The following SLC2A2 variants were observed in gnomAD, a reference collection of about 807,000 sequenced individuals.
SLC2A2 encodes solute carrier family 2 member 2.
A neutral mutation model predicts 54.5 loss-of-function variants in SLC2A2; 36 were observed. That is an observed-to-expected ratio of 0.66 (90% CI 0.51 to 0.87). The LOEUF (loss-of-function observed/expected upper bound fraction) is 0.87, where lower values mean the gene tolerates loss of function less well. SLC2A2 is among the 40% of genes least tolerant of loss of function. The pLI, the probability that SLC2A2 is intolerant of heterozygous loss-of-function variation, is 0.00. For missense variants in SLC2A2, 543 were observed against 624.3 expected (o/e 0.87, Z 1.39); for synonymous variants, 223 against 219.1 (o/e 1.02, Z -0.16).
rs916695388 is a variant in SLC2A2 at position 170,997,866 on chromosome 3, ATTG to A, written c.*34_*36del. On this transcript the variant is annotated 3_prime_UTR_variant, in exon 11 of 11. Coordinates refer to ENST00000314251, the MANE Select transcript of SLC2A2 (RefSeq NM_000340.2). ...TCATTTAAAAACAGACGGTTCCCTT[ATTG>A]TTTCTGTTCATGTCAAAAAGCAGGG... is the stretch of plus-strand genomic sequence containing the variant. 3 of 1,522,354 alleles carry A rather than the reference ATTG, an allele frequency of 2.0e-6. No homozygotes were observed. The highest frequency in any genetic ancestry group is 2.7e-6 in the Non-Finnish European group (3 of 1,100,964). 94.3% of individuals were successfully genotyped at this position (1,522,354 alleles called of 1,614,324 possible).
In SLC2A2 at chr3:170,998,318, G is replaced by A; in HGVS notation, c.1249C>T (p.Pro417Ser). Residue 417 changes from proline (P) to serine (S), a missense_variant, in exon 10 of 11, where the codon CCG becomes TCG. This residue lies in a region of SLC2A2 where 117 missense variants were observed against 179.2 expected (regional missense o/e 0.65). Transcript: ENST00000314251. ...FVSFFEIGPG[P>S]IPWFMVAEFF... The stretch of plus-strand genomic sequence containing the variant: ...TCAGCCACCATGAACCAGGGGATCG[G>A]GCCTGGCCCAATTTCAAAGAAGCTG... 1 of 1,613,724 alleles carries A rather than the reference G, an allele frequency of 6.2e-7. No homozygotes were observed. The highest frequency in any genetic ancestry group is 1.1e-5 in the South Asian group (1 of 91,082).
chr3:171,019,243 G>A (rs1716341609), intron 1 of SLC2A2, among the ~76,000 whole-genome samples: 1 of 151,034 alleles, frequency 6.6e-6, no homozygotes, highest in Non-Finnish European at 1.5e-5. Context: ...TTATATCATT[G>A]GGAGCGGTAA....
intron 3 of SLC2A2, 90 bp downstream of exon 3, chr3:171,014,379 C>T: frequency 7.0e-7 from 1 of 1,422,948 alleles, no homozygotes; most frequent in Non-Finnish European, 9.8e-7. Flanking sequence ...AGCTATTCCA[C>T]AAGAAGAAAG....
chr3:171,019,350 G>A (rs1256892522), intron 1 of SLC2A2, among the ~76,000 whole-genome samples: 1 of 151,816 alleles, frequency 6.6e-6, no homozygotes, highest in African/African-American at 2.4e-5. Flanking sequence ...CCTTTATCAT[G>A]TTCCGCATCA....
intron 8 of SLC2A2, 88 bp downstream of exon 8, chr3:171,002,488 G>A: frequency 1.2e-6 from 1 of 812,340 alleles, no homozygotes; most frequent in Non-Finnish European, 2.1e-6. Context: ...ATAAGTCATT[G>A]ATTGCTTTTA....
In SLC2A2 at chr3:171,019,101, A is replaced by ATGTGTG. The variant is rs1191462850; in HGVS notation, c.16-479_16-478insCACACA. On this transcript the variant is annotated intron_variant, in intron 1 of 10. Transcript: ENST00000314251. Reference sequence around the variant, plus strand: ...TATATATATATGTGTGTGTGTGTATATATATATATATATATATATATACGT... The same window carrying ATGTGTG: ...TATATATATATGTGTGTGTGTGTATATGTGTGTATATATATATATATATATATACGT... Among the ~76,000 whole-genome samples, 76 of 61,344 alleles carry ATGTGTG rather than the reference A, an allele frequency of 1.2e-3. 1 individual carries two copies. Among genetic ancestry groups the ATGTGTG allele is most frequent in the African/African-American group, 6.8e-3 (73 of 10,680 alleles). 40.2% of individuals were successfully genotyped at this position (61,344 alleles called of 152,430 possible).
chr3:170,999,509 C>T (rs1715249639), intron 8 of SLC2A2, among the ~76,000 whole-genome samples: 1 of 152,080 alleles, frequency 6.6e-6, no homozygotes, highest in Non-Finnish European at 1.5e-5. Flanking sequence ...GGGTCTCTTC[C>T]AATAGATGTC....
rs1411419409 is a variant in SLC2A2 at position 170,997,227 on chromosome 3, A to G, written c.*676T>C. 3.9e-5 allele frequency: 6 copies of G among 152,450 alleles called. No individual in the cohort carries two copies. In the East Asian group the frequency reaches 1.2e-3, roughly 29 times the overall value. 9.4% of individuals were successfully genotyped at this position (152,450 alleles called of 1,614,324 possible). A position where few individuals can be genotyped will look rare whatever the true frequency, so the allele number is the denominator to read the frequency against. On this transcript the variant is annotated 3_prime_UTR_variant, in exon 11 of 11. Coordinates refer to ENST00000314251, the MANE Select transcript of SLC2A2 (RefSeq NM_000340.2). The stretch of plus-strand genomic sequence containing the variant: ...TTTAGTGTTAAATCTTGCAAAAACC[A>G]TTTGGCCATTAAATAAAGGAACTAA...
chr3:171,014,921 A>G (rs901389046), intron 2 of SLC2A2, among the ~76,000 whole-genome samples, 190 bp from the exon 3 acceptor site: 2 of 152,312 alleles, frequency 1.3e-5, no homozygotes, highest in African/African-American at 2.4e-5. Flanking sequence ...TACATTGCCA[A>G]CAAGAACCAG....
chr3:171,003,325 TTGA>T (rs1361093301), intron 7 of SLC2A2, among the ~76,000 whole-genome samples: 1 of 151,876 alleles, frequency 6.6e-6, no homozygotes, highest in Non-Finnish European at 1.5e-5. Context: ...TACTATTCTA[TTGA>T]TGAGTATTTA....
Position 171,014,701 on chromosome 3 carries a change from C to T in SLC2A2, c.139G>A (p.Gly47Ser), listed in dbSNP as rs1159338702. ...GCTTTTCGGTCATCCAGTGGAACAC[C>T]CAAAACATGTCTATAGTGAGATATT... ...VIISHYRHVL[G>S]VPLDDRKAIN... is the part of the protein sequence containing the mutation. The change falls in exon 3 of 11, where the codon GGT (glycine) becomes AGT (serine). Residue 47 changes from glycine to serine, a missense_variant. Gly to Ser is a moderately conservative substitution (Grantham distance 56, BLOSUM62 0). This residue lies in a region of SLC2A2 where 318 missense variants were observed against 343.8 expected (regional missense o/e 0.93). Transcript: ENST00000314251. The T allele has an allele frequency of 6.2e-7, 1 of 1,613,150 alleles. No individual in the cohort carries two copies. Among genetic ancestry groups the T allele is most frequent in the African/African-American group, 1.3e-5 (1 of 74,934 alleles).
At chr3:171,000,031 T>C (rs1177008255) in intron 8 of SLC2A2, among the ~76,000 whole-genome samples, 1 of 152,052 alleles carries the variant, frequency 6.6e-6, no homozygotes, top group Non-Finnish European at 1.5e-5. Context: ...ATTTCTCACT[T>C]TGGCACCTGG....
Position 171,018,554 on chromosome 3 carries a change from C to G in SLC2A2, c.85G>C (p.Gly29Arg), listed in dbSNP as rs1437312005. 6.2e-7 allele frequency: 1 copy of G among 1,613,396 alleles called. No homozygotes were observed. Among genetic ancestry groups the G allele is most frequent in the African/African-American group, 1.3e-5 (1 of 74,886 alleles). Residue 29 changes from glycine (G) to arginine (R), a missense_variant, in exon 2 of 11, where the codon GGT (glycine) becomes CGT (arginine). Physicochemically the swap from Gly to Arg is moderately radical, Grantham distance 125. Transcript: ENST00000314251. ...GCCTGTTGAGGTGCATTGATCACAC[C>G]AATGTCATATCCAAACTGGAAGGAA... ...LGSFQFGYDI[G>R]VINAPQQVII... is the part of the protein sequence containing the mutation.
At chr3:171,014,772 C>T (rs758400696) in intron 2 of SLC2A2, 41 bp from the exon 3 acceptor site, 1 of 1,558,064 alleles carries the variant, frequency 6.4e-7, no homozygotes. Flanking sequence ...TTCAAACATT[C>T]TATGTATTTT....
At position 171,014,650 on chromosome 3, in the gene SLC2A2, T is replaced by C. The variant is rs1310901426; in HGVS notation, c.190A>G (p.Thr64Ala). ...TATGAGATTGTGGGCAGTTCATCTGTACTGTTGATAACATAGTTGTTGATA... is the reference window on the plus strand; with the variant it reads ...TATGAGATTGTGGGCAGTTCATCTGCACTGTTGATAACATAGTTGTTGATA... ...KAINNYVINS[T>A]DELPTISYSM... is the part of the protein sequence containing the mutation. The change falls in exon 3 of 11, where the codon ACA (threonine) becomes GCA (alanine). Residue 64 changes from threonine to alanine, a missense_variant. By Grantham distance (58) the Thr-to-Ala change is moderately conservative. Coordinates refer to ENST00000314251, the MANE Select transcript of SLC2A2 (RefSeq NM_000340.2). 2.5e-6 allele frequency: 4 copies of C among 1,613,968 alleles called. No individual in the cohort carries two copies. The African/African-American group carries it at 4.0e-5, about 16-fold the overall frequency.
At chr3:171,019,044 T>C (rs1716295028) in intron 1 of SLC2A2, among the ~76,000 whole-genome samples, 1 of 149,942 alleles carries the variant, frequency 6.7e-6, no homozygotes, top group Admixed American at 6.7e-5. Context: ...TTTATATATA[T>C]ATATTTGTTG....
rs1334755522 is a variant in SLC2A2, at chr3:170,996,735, G to A, written c.*1168C>T. The stretch of plus-strand genomic sequence containing the variant: ...CCATAGAATAGTTTGGCTAGAATCT[G>A]TATACAGCTAAGACAAAGAAGGAAA... On this transcript the variant is annotated 3_prime_UTR_variant, in exon 11 of 11. Transcript: ENST00000314251. 4 of 397,240 alleles carry A rather than the reference G, an allele frequency of 1.0e-5. No homozygotes were observed. Among genetic ancestry groups the A allele is most frequent in the African/African-American group, 8.2e-5 (4 of 48,568 alleles). The allele number at this position is 397,240 out of a possible 1,614,324, so 24.6% of individuals were successfully genotyped here.
rs762355106 is a variant in SLC2A2, at chr3:171,019,057, ATG to A, written c.16-436_16-435del. On this transcript the variant is annotated intron_variant, in intron 1 of 10. Coordinates refer to ENST00000314251, the MANE Select transcript of SLC2A2 (RefSeq NM_000340.2). ...GTTTTATATATATATATTTGTTGATATGTGTGTGTGTGTGTGTGTATATATAT... is the reference window on the plus strand; with the variant it reads ...GTTTTATATATATATATTTGTTGATATGTGTGTGTGTGTGTGTATATATAT... Among the ~76,000 whole-genome samples, 786 of 137,742 alleles carry A rather than the reference ATG, an allele frequency of 5.7e-3. 4 individuals carry two copies. The highest frequency in any genetic ancestry group is 0.014 in the Admixed American group (192 of 13,518). 90.4% of individuals were successfully genotyped at this position (137,742 alleles called of 152,430 possible). A position where few individuals can be genotyped will look rare whatever the true frequency, so the allele number is the denominator to read the frequency against.
At chr3:171,025,234 A>G (rs1259821031) in intron 1 of SLC2A2, among the ~76,000 whole-genome samples, 4 of 151,550 alleles carry the variant, frequency 2.6e-5, no homozygotes, top group African/African-American at 9.7e-5. Context: ...TGCTATATAA[A>G]TAGCATTTTA....
Sources: allele counts gnomAD v4.1 joint callset (sites outside exome capture counted in the v4.1 genomes callset), GRCh38; gene constraint gnomAD v4.1.1; regional missense constraint gnomAD v4.1.1; transcripts MANE v1.5; gene names NCBI Gene and HGNC (gene_info 2026-07-23, HGNC 2026-07-21).